The following ZFYVE28 variants were observed in gnomAD, a reference collection of about 807,000 sequenced individuals.
The protein encoded by ZFYVE28 is zinc finger FYVE-type containing 28, also known as lateral signaling target protein 2 homolog.
Under a neutral mutation model 82.1 loss-of-function variants are expected in ZFYVE28, and 40 were observed. That is an observed-to-expected ratio of 0.49 (90% CI 0.38 to 0.63). ZFYVE28 has a LOEUF of 0.63. ZFYVE28 is among the 30% of genes least tolerant of loss of function. The probability of loss-of-function intolerance (pLI) is 0.00; values close to 1 mark genes in which losing one functional copy is unlikely to be tolerated. For synonymous variants in ZFYVE28, 612 were observed against 546.1 expected (o/e 1.12, Z -1.68); for missense variants, 1,321 against 1,242.1 (o/e 1.06, Z -0.96).
Position 2,332,006 on chromosome 4 carries a change from G to A in ZFYVE28, c.701+3699C>T, listed in dbSNP as rs1027504999. ...GCTGTTGACCCCCAGCGGTGCCTTCGCCACTGGGAGCCCCTCAGAAGGGGA... is the reference window on the plus strand; with the variant it reads ...GCTGTTGACCCCCAGCGGTGCCTTCACCACTGGGAGCCCCTCAGAAGGGGA... On this transcript the variant is annotated intron_variant, in intron 6 of 12. Transcript: ENST00000290974. The surrounding 1 kb of genome is among the most constrained non-coding windows in gnomAD (Gnocchi z 4.7). Among the ~76,000 whole-genome samples, 87 of 152,334 alleles carry A rather than the reference G, an allele frequency of 5.7e-4. No homozygotes were observed. The highest frequency in any genetic ancestry group is 2.0e-3 in the African/African-American group (82 of 41,576).
At chr4:2,379,460 C>G (rs533185126) in intron 1 of ZFYVE28, among the ~76,000 whole-genome samples, 7 of 152,324 alleles carry the variant, frequency 4.6e-5, no homozygotes, top group South Asian at 2.1e-4. Flanking sequence ...CTGAAGTTCA[C>G]AAGAATGTAG....
At chr4:2,288,647 CT>C (rs1406904585) in intron 8 of ZFYVE28, among the ~76,000 whole-genome samples, 1 of 152,266 alleles carries the variant, frequency 6.6e-6, no homozygotes, top group Non-Finnish European at 1.5e-5. Context: ...GGGCAGGGAA[CT>C]TAACCTCCCA....
chr4:2,391,392 A>G (rs1003992400), intron 1 of ZFYVE28, among the ~76,000 whole-genome samples: 10 of 150,970 alleles, frequency 6.6e-5, no homozygotes, highest in African/African-American at 2.2e-4. Context: ...CTCTACGTAC[A>G]TAACAGATCC....
At chr4:2,407,497 T>C (rs1732049530) in intron 1 of ZFYVE28, among the ~76,000 whole-genome samples, 2 of 152,014 alleles carry the variant, frequency 1.3e-5, no homozygotes. Context: ...ATGAACCTGA[T>C]GATTCAACTC....
At chr4:2,350,433 C>T (rs1724233562) in intron 2 of ZFYVE28, among the ~76,000 whole-genome samples, 1 of 151,184 alleles carries the variant, frequency 6.6e-6, no homozygotes, top group Admixed American at 6.6e-5. Context: ...CACTGCACTC[C>T]AGCCTGGGCG....
rs1392225083 is a variant in ZFYVE28 at position 2,417,326 on chromosome 4, C to T, written c.39+959G>A. Among the ~76,000 whole-genome samples, 1 of 152,006 alleles carries T rather than the reference C, an allele frequency of 6.6e-6. No individual in the cohort carries two copies. Among genetic ancestry groups the T allele is most frequent in the East Asian group, 1.9e-4 (1 of 5,182 alleles). ...CCTGCGCCGGGATCCTGAACACCGC[C>T]GCGCCTTCATCCCGCGCCGAGCGCG... is the stretch of plus-strand genomic sequence containing the variant. On this transcript the variant is annotated intron_variant, in intron 1 of 12. Coordinates refer to ENST00000290974, the MANE Select transcript of ZFYVE28 (RefSeq NM_020972.3). The surrounding 1 kb of genome is among the most constrained non-coding windows in gnomAD (Gnocchi z 4.8).
At chr4:2,298,987 G>C (rs578085200) in intron 8 of ZFYVE28, among the ~76,000 whole-genome samples, 1 of 152,132 alleles carries the variant, frequency 6.6e-6, no homozygotes, top group Non-Finnish European at 1.5e-5. Flanking sequence ...CGCACCACAC[G>C]CGATCAACCA....
intron 6 of ZFYVE28, chr4:2,330,184 T>G: frequency 2.6e-5 from 20 of 774,654 alleles, no homozygotes; most frequent in Middle Eastern, 6.4e-4. Context: ...GAAAATGTTA[T>G]GAAATTTGTG....
Position 2,362,161 on chromosome 4 carries a change from T to C in ZFYVE28, c.40-8088A>G, listed in dbSNP as rs745973008. 6.6e-6 allele frequency among the ~76,000 whole-genome samples: 1 copy of C among 151,998 alleles called. No homozygotes were observed. The highest frequency in any genetic ancestry group is 2.4e-5 in the African/African-American group (1 of 41,340). ...CCCAGGTGTGTTTGCCTCCTAGATA[T>C]CAGCAGATCTCCAGGAGACAGTGGT... is the stretch of plus-strand genomic sequence containing the variant. On this transcript the variant is annotated intron_variant, in intron 1 of 12. Transcript: ENST00000290974. This position sits in a 1 kb window ranked among gnomAD's most constrained non-coding sequence, Gnocchi z 5.1.
chr4:2,320,070 G>A lies in ZFYVE28; in HGVS notation c.803+100C>T. On this transcript the variant is annotated intron_variant, in intron 7 of 12. Coordinates refer to ENST00000290974, the MANE Select transcript of ZFYVE28 (RefSeq NM_020972.3). The surrounding 1 kb of genome is among the most constrained non-coding windows in gnomAD (Gnocchi z 5.1). ...ACCAGCCCATCCTTCCTCACAGAGAGGAGGAGGACCTGGAGGCGGCGGCTA... is the reference window on the plus strand; with the variant it reads ...ACCAGCCCATCCTTCCTCACAGAGAAGAGGAGGACCTGGAGGCGGCGGCTA... 2 of 1,092,768 alleles carry A rather than the reference G, an allele frequency of 1.8e-6. No individual in the cohort carries two copies. The highest frequency in any genetic ancestry group is 2.7e-6 in the Non-Finnish European group (2 of 732,306). 67.7% of individuals were successfully genotyped at this position (1,092,768 alleles called of 1,614,324 possible). A position where few individuals can be genotyped will look rare whatever the true frequency, so the allele number is the denominator to read the frequency against.
chr4:2,358,319 C>T (rs984975522), intron 1 of ZFYVE28, among the ~76,000 whole-genome samples: 3 of 152,234 alleles, frequency 2.0e-5, no homozygotes, highest in Admixed American at 6.5e-5. Context: ...GAGACCAGTG[C>T]AGCAAGTGTC....
chr4:2,417,808 G>A lies in ZFYVE28; in HGVS notation c.39+477C>T, dbSNP rs1309032276. Among the ~76,000 whole-genome samples the A allele has an allele frequency of 6.6e-6, 1 of 151,812 alleles. No homozygotes were observed. Among genetic ancestry groups the A allele is most frequent in the Non-Finnish European group, 1.5e-5 (1 of 67,964 alleles). ...GGGGAGAGGGTCTGTTCTGGAGTGC[G>A]GAGGGAGATCTATTCCGGGCCCAGG... On this transcript the variant is annotated intron_variant, in intron 1 of 12. Coordinates refer to ENST00000290974, the MANE Select transcript of ZFYVE28 (RefSeq NM_020972.3). This position sits in a 1 kb window ranked among gnomAD's most constrained non-coding sequence, Gnocchi z 4.8.
chr4:2,281,656 C>T (rs909534903), intron 8 of ZFYVE28, among the ~76,000 whole-genome samples: 1 of 152,224 alleles, frequency 6.6e-6, no homozygotes, highest in Non-Finnish European at 1.5e-5. Flanking sequence ...CCCCTCTCAA[C>T]GCTGTTGCAG....
chr4:2,364,503 C>T, intron 1 of ZFYVE28: 1 of 985,460 alleles, frequency 1.0e-6, no homozygotes. Flanking sequence ...GTGGCTGTGC[C>T]TGTTTAGAGG....
intron 6 of ZFYVE28, among the ~76,000 whole-genome samples, chr4:2,323,853 T>C (rs1234383641): frequency 1.3e-5 from 2 of 152,182 alleles, no homozygotes; most frequent in East Asian, 1.9e-4. Flanking sequence ...TTCATCCATT[T>C]CCCTACAAAG....
chr4:2,351,848 G>C (rs1482430160), intron 2 of ZFYVE28, among the ~76,000 whole-genome samples: 2 of 152,346 alleles, frequency 1.3e-5, no homozygotes, highest in East Asian at 3.9e-4. Flanking sequence ...AATTTGTAGA[G>C]TGGCTCGCAG....
In ZFYVE28 at chr4:2,270,601, G is replaced by T; in HGVS notation, c.*124C>A. On this transcript the variant is annotated 3_prime_UTR_variant, in exon 13 of 13. Transcript: ENST00000290974. ...GGACAGAGGCTCTGGATGCTCTGGA[G>T]GTCTGGGTGCCCCTGCAGCAGCGGC... 1 of 1,406,296 alleles carries T rather than the reference G, an allele frequency of 7.1e-7. No individual in the cohort carries two copies. The highest frequency in any genetic ancestry group is 9.8e-7 in the Non-Finnish European group (1 of 1,025,444). The allele number at this position is 1,406,296 out of a possible 1,614,324, so 87.1% of individuals were successfully genotyped here.
intron 1 of ZFYVE28, among the ~76,000 whole-genome samples, chr4:2,383,904 A>G (rs1471402412): frequency 6.6e-6 from 1 of 152,150 alleles, no homozygotes; most frequent in Non-Finnish European, 1.5e-5. Context: ...ATTCTTTCAC[A>G]AGACTGGAGA....
In ZFYVE28 at chr4:2,417,595, G is replaced by A. The variant is rs1021094914; in HGVS notation, c.39+690C>T. Among the ~76,000 whole-genome samples the A allele has an allele frequency of 1.3e-5, 2 of 152,112 alleles. No homozygotes were observed. Among genetic ancestry groups the A allele is most frequent in the Non-Finnish European group, 2.9e-5 (2 of 67,972 alleles). On this transcript the variant is annotated intron_variant, in intron 1 of 12. Transcript: ENST00000290974. The surrounding 1 kb of genome is among the most constrained non-coding windows in gnomAD (Gnocchi z 4.8). Reference sequence around the variant, plus strand: ...GGACCTGTCCCGGATTCCAGAGGACGTGGGTGGGGAAGGGACAAGGATAGG... The same window carrying A: ...GGACCTGTCCCGGATTCCAGAGGACATGGGTGGGGAAGGGACAAGGATAGG...
Sources: gnomAD v4.1 joint callset for allele counts (sites outside exome capture counted in the v4.1 genomes callset) on GRCh38, gnomAD v4.1.1 for gene constraint, Gnocchi (gnomAD v3.1) non-coding constraint, MANE v1.5 for transcripts, NCBI Gene and HGNC (gene_info 2026-07-23, HGNC 2026-07-21) for gene names.